The following MYO7A variants were observed in gnomAD, a reference collection of about 807,000 sequenced individuals.
MYO7A encodes myosin VIIA.
A neutral mutation model predicts 263.8 loss-of-function variants in MYO7A; 210 were observed. The observed-to-expected ratio is 0.80, with a 90% CI of 0.71 to 0.89. The LOEUF is 0.89. Among genes scored for constraint, MYO7A ranks in the 40% least tolerant of loss-of-function variants. The probability of loss-of-function intolerance (pLI) is 0.00; values close to 1 mark genes in which losing one functional copy is unlikely to be tolerated. For missense variants in MYO7A, 2,820 were observed against 2,968.3 expected (o/e 0.95, Z 1.16); for synonymous variants, 1,239 against 1,197.3 (o/e 1.03, Z -0.72).
In MYO7A at chr11:77,175,335, G is replaced by T. The variant is rs114310148; in HGVS notation, c.2095-37G>T. ...CTCCGGAGGCCTTCCCACTGGAGAGGCTGTCCATTCCCTTGTGTTCCCCAT... is the reference window on the plus strand; with the variant it reads ...CTCCGGAGGCCTTCCCACTGGAGAGTCTGTCCATTCCCTTGTGTTCCCCAT... On this transcript the variant is annotated intron_variant, in intron 17 of 48. Transcript: ENST00000409709. 2,077 of 1,597,054 alleles carry T rather than the reference G, an allele frequency of 1.3e-3. 26 individuals carry two copies. The African/African-American group carries it at 0.025, about 19-fold the overall frequency.
intron 15 of MYO7A, among the ~76,000 whole-genome samples, chr11:77,172,316 A>G (rs1345893345): frequency 6.6e-6 from 1 of 152,194 alleles, no homozygotes; most frequent in East Asian, 1.9e-4. Context: ...CAGGGCTTGA[A>G]TCTAGGTTCG....
chr11:77,207,474 AAG>A (rs1397773481), intron 42 of MYO7A, 72 bp downstream of exon 42: 14 of 1,111,366 alleles, frequency 1.3e-5, no homozygotes, highest in South Asian at 9.3e-5. Flanking sequence ...CAGCAGACGG[AAG>A]AGAGAGGAAC....
chr11:77,199,387 A>T, intron 34 of MYO7A, 148 bp from the exon 35 acceptor site: 1 of 762,408 alleles, frequency 1.3e-6, no homozygotes, highest in South Asian at 3.0e-5. Flanking sequence ...GGCAAAGGAG[A>T]AGTAGGCCGG....
chr11:77,168,322 C>T (rs1162105980), intron 15 of MYO7A, among the ~76,000 whole-genome samples: 1 of 152,198 alleles, frequency 6.6e-6, no homozygotes, highest in Non-Finnish European at 1.5e-5. Flanking sequence ...TGGCCCCCTC[C>T]AGAAGAAGTT....
In MYO7A at chr11:77,192,035, C is replaced by T; in HGVS notation, c.3925-16C>T. ...CCCTGACTCTGTGCCTGCTCCCCTC[C>T]CCTCTGTGCCCACAGGTGTCCTCCC... On this transcript the variant is annotated splice_polypyrimidine_tract_variant and intron_variant, in intron 30 of 48. Coordinates refer to ENST00000409709, the MANE Select transcript of MYO7A (RefSeq NM_000260.4). The T allele has an allele frequency of 6.2e-7, 1 of 1,606,104 alleles. No individual in the cohort carries two copies. The highest frequency in any genetic ancestry group is 8.5e-7 in the Non-Finnish European group (1 of 1,175,312).
At chr11:77,177,699 G>A in intron 19 of MYO7A, 56 bp downstream of exon 19, 1 of 1,453,618 alleles carries the variant, frequency 6.9e-7, no homozygotes, top group Non-Finnish European at 9.5e-7. Context: ...TGTACGTGTG[G>A]TGTTTGGCTC....
Position 77,157,489 on chromosome 11 carries a change from A to T in MYO7A, c.849+97A>T, listed in dbSNP as rs145584076. 4.6e-4 allele frequency: 370 copies of T among 796,126 alleles called. 3 individuals carry two copies. In the African/African-American group the frequency reaches 5.2e-3, roughly 11 times the overall value. 49.3% of individuals were successfully genotyped at this position (796,126 alleles called of 1,614,324 possible). On this transcript the variant is annotated intron_variant, in intron 8 of 48. Transcript: ENST00000409709. Reference sequence around the variant, plus strand: ...TCAGCCTTGAGGTCTCACTGGTCACAGGGCTCAGGTGCCAGCTTCTTGCTG... The same window carrying T: ...TCAGCCTTGAGGTCTCACTGGTCACTGGGCTCAGGTGCCAGCTTCTTGCTG...
intron 15 of MYO7A, among the ~76,000 whole-genome samples, chr11:77,171,171 G>A (rs530865103): frequency 2.2e-4 from 34 of 152,348 alleles, no homozygotes; most frequent in East Asian, 5.8e-4. Context: ...GTGTGCGTGC[G>A]CGTGTGTGTA....
chr11:77,197,828 G>A (rs185928240), intron 33 of MYO7A, among the ~76,000 whole-genome samples: 1 of 152,348 alleles, frequency 6.6e-6, no homozygotes. Context: ...AGGGGCCCCC[G>A]TCAGTGGACC....
intron 15 of MYO7A, 111 bp from the exon 16 acceptor site, chr11:77,172,637 C>A: frequency 7.2e-7 from 1 of 1,384,108 alleles, no homozygotes; most frequent in Non-Finnish European, 9.9e-7. Context: ...ACCGCCCTGT[C>A]CCTCAAACCC....
chr11:77,135,931 T>C (rs1166296194), intron 2 of MYO7A, among the ~76,000 whole-genome samples: 4 of 152,218 alleles, frequency 2.6e-5, no homozygotes, highest in Non-Finnish European at 4.4e-5. Flanking sequence ...TGTTTGTTTG[T>C]TTTGGAGACA....
At chr11:77,171,477 A>T (rs187506910) in intron 15 of MYO7A, among the ~76,000 whole-genome samples, 1 of 152,106 alleles carries the variant, frequency 6.6e-6, no homozygotes, top group East Asian at 1.9e-4. Flanking sequence ...TCCAAATACA[A>T]TGCAGTTGGA....
At chr11:77,156,579 A>C (rs2135233547) in intron 5 of MYO7A, 81 bp from the exon 6 acceptor site, 3 of 1,580,132 alleles carry the variant, frequency 1.9e-6, no homozygotes, top group Non-Finnish European at 2.6e-6. Context: ...GAGCTGGTGG[A>C]TGGTGCAGCC....
rs757198540 is a variant in MYO7A, at chr11:77,201,631, A to G, written c.5036A>G (p.Glu1679Gly). 2 of 1,612,862 alleles carry G rather than the reference A, an allele frequency of 1.2e-6. No homozygotes were observed. Among genetic ancestry groups the G allele is most frequent in the Non-Finnish European group, 1.7e-6 (2 of 1,179,168 alleles). ...CCCACTGTCACCATGCCACCGCGGG[A>G]GATTGTGGTATGTGGCCTGGGGGTG... ...VMPTVTMPPR[E>G]IVALVTMTPD... The change falls in exon 36 of 49, where the codon GAG becomes GGG. Residue 1679 changes from glutamate to glycine, a missense_variant. Transcript: ENST00000409709.
chr11:77,184,936 ATTGCAGGTTCAG>A, intron 27 of MYO7A: 1 of 803,090 alleles, frequency 1.2e-6, no homozygotes, highest in Admixed American at 2.0e-5. Context: ...CCTTGGAGAT[ATTGCAGGTTCAG>A]TTGAAGGCCA....
At chr11:77,208,309 C>A in intron 42 of MYO7A, 121 bp from the exon 43 acceptor site, 1 of 764,616 alleles carries the variant, frequency 1.3e-6, no homozygotes, top group Admixed American at 2.1e-5. Context: ...CACAGAAACC[C>A]CTTCCGGCTG....
At chr11:77,213,832 C>A (rs777202056) in intron 47 of MYO7A, 28 bp from the exon 48 acceptor site, 1 of 1,613,752 alleles carries the variant, frequency 6.2e-7, no homozygotes, top group African/African-American at 1.3e-5. Context: ...CCAGGCCGTG[C>A]CTCTCTATGC....
At chr11:77,129,131 C>T (rs1447973700) in intron 1 of MYO7A, among the ~76,000 whole-genome samples, 2 of 152,224 alleles carry the variant, frequency 1.3e-5, no homozygotes, top group East Asian at 3.9e-4. Flanking sequence ...TCCCTTGGAG[C>T]CCCATGTCTC....
intron 46 of MYO7A, chr11:77,212,435 A>C: frequency 2.9e-6 from 1 of 350,586 alleles, no homozygotes; most frequent in Admixed American, 3.9e-5. Flanking sequence ...CAGCTTGGCA[A>C]GCAGGTGAGA....
Sources: allele counts gnomAD v4.1 joint callset (sites outside exome capture counted in the v4.1 genomes callset), GRCh38; gene constraint gnomAD v4.1.1; transcripts MANE v1.5; gene names NCBI Gene and HGNC (gene_info 2026-07-23, HGNC 2026-07-21).